SEMA3D: variants seen among roughly 807,000 people sequenced by gnomAD.
SEMA3D encodes the protein semaphorin 3D.
A neutral mutation model predicts 100.1 loss-of-function variants in SEMA3D; 84 were observed. The ratio of observed to expected loss-of-function variants is 0.84; its 90% CI spans 0.70 to 1.01. SEMA3D has a LOEUF of 1.01. SEMA3D is among the 50% of genes least tolerant of loss of function. The pLI is 0.00. For synonymous variants in SEMA3D, 312 were observed against 320.7 expected (o/e 0.97, Z 0.29); for missense variants, 875 against 934.1 (o/e 0.94, Z 0.82).
chr7:85,101,245 CA>C (rs1562818614), intron 3 of SEMA3D, among the ~76,000 whole-genome samples: 1 of 151,922 alleles, frequency 6.6e-6, no homozygotes, highest in Admixed American at 6.6e-5. Flanking sequence ...TCAGCAAAAT[CA>C]AAAATATGTA....
chr7:85,101,778 A>G lies in SEMA3D; in HGVS notation c.152-3813T>C, dbSNP rs530265816. ...AGGAGGTAATTTATATAAAGTTCTT[A>G]GAACCATGCTTGGTAGATAGGAAAA... is the stretch of plus-strand genomic sequence containing the variant. On this transcript the variant is annotated intron_variant, in intron 3 of 18. Coordinates refer to ENST00000284136, the MANE Select transcript of SEMA3D (RefSeq NM_001384900.1). 5.3e-5 allele frequency among the ~76,000 whole-genome samples: 8 copies of G among 152,170 alleles called. No individual in the cohort carries two copies. In the South Asian group the frequency reaches 1.7e-3, roughly 32 times the overall value.
chr7:85,158,106 ATTGT>A (rs1790649145), intron 1 of SEMA3D, among the ~76,000 whole-genome samples: 1 of 152,164 alleles, frequency 6.6e-6, no homozygotes, highest in Non-Finnish European at 1.5e-5. Context: ...AACTGCACAA[ATTGT>A]TTGTAAAGCA....
intron 4 of SEMA3D, among the ~76,000 whole-genome samples, chr7:85,086,514 A>G (rs371435596): frequency 2.0e-5 from 3 of 152,160 alleles, no homozygotes; most frequent in Non-Finnish European, 4.4e-5. Flanking sequence ...ATGTATATAT[A>G]TATCACATTA....
At chr7:85,172,905 G>A (rs571232460) in intron 1 of SEMA3D, among the ~76,000 whole-genome samples, 25 of 152,144 alleles carry the variant, frequency 1.6e-4, no homozygotes, top group Non-Finnish European at 2.9e-4. Flanking sequence ...TCTTATGAGG[G>A]AGACTAAAAT....
At chr7:85,132,679 T>C (rs999123512) in intron 2 of SEMA3D, among the ~76,000 whole-genome samples, 2 of 151,986 alleles carry the variant, frequency 1.3e-5, no homozygotes, top group Non-Finnish European at 2.9e-5. Context: ...CAATGTATTA[T>C]ATAATTCCAA....
At chr7:85,233,293 A>G in the SEMA3D span, among the ~76,000 whole-genome samples, 1 of 152,206 alleles carries the variant, frequency 6.6e-6, no homozygotes, top group African/African-American at 2.4e-5. Flanking sequence ...GAAACAGAGT[A>G]CACTGTTGAA....
chr7:85,203,584 G>A, the SEMA3D span, among the ~76,000 whole-genome samples: 2 of 152,114 alleles, frequency 1.3e-5, no homozygotes, highest in Admixed American at 6.6e-5. Context: ...TGCAAGGCGA[G>A]GCTATTTCCT....
intron 9 of SEMA3D, among the ~76,000 whole-genome samples, chr7:85,052,324 C>G (rs1042069804): frequency 1.1e-4 from 17 of 151,996 alleles, no homozygotes; most frequent in Admixed American, 6.6e-4. Flanking sequence ...GGATAGAGTT[C>G]ACACTGACTA....
intron 3 of SEMA3D, among the ~76,000 whole-genome samples, chr7:85,113,326 C>T (rs1789145528): frequency 6.6e-6 from 1 of 152,058 alleles, no homozygotes; most frequent in African/African-American, 2.4e-5. Flanking sequence ...GAATTCGCCA[C>T]ATGAACTGAA....
intron 4 of SEMA3D, among the ~76,000 whole-genome samples, chr7:85,087,165 T>C (rs933814992): frequency 6.6e-6 from 1 of 152,216 alleles, no homozygotes; most frequent in African/African-American, 2.4e-5. Context: ...GCAACCGTAT[T>C]TGTCCTTTAG....
chr7:85,234,092 A>G, the SEMA3D span, among the ~76,000 whole-genome samples: 1 of 152,210 alleles, frequency 6.6e-6, no homozygotes, highest in Non-Finnish European at 1.5e-5. Flanking sequence ...GTAAAGAGGA[A>G]TGCAGTCTAC....
intron 3 of SEMA3D, among the ~76,000 whole-genome samples, chr7:85,115,400 C>T (rs1228499015): frequency 6.6e-6 from 1 of 152,004 alleles, no homozygotes. Flanking sequence ...ATGTTTTGCT[C>T]AATATGAATC....
At chr7:85,054,187 A>G (rs1053737900) in intron 9 of SEMA3D, among the ~76,000 whole-genome samples, 18 of 152,086 alleles carry the variant, frequency 1.2e-4, no homozygotes, top group Admixed American at 9.8e-4. Flanking sequence ...TAAATGGATT[A>G]TATTTATCAA....
At chr7:85,124,456 A>C (rs1405575710) in intron 2 of SEMA3D, among the ~76,000 whole-genome samples, 1 of 151,998 alleles carries the variant, frequency 6.6e-6, no homozygotes, top group Non-Finnish European at 1.5e-5. Flanking sequence ...CTAATCGCTG[A>C]CCATTTATAA....
intron 4 of SEMA3D, among the ~76,000 whole-genome samples, chr7:85,085,901 A>G (rs185050137): frequency 6.6e-6 from 1 of 152,260 alleles, no homozygotes; most frequent in East Asian, 1.9e-4. Flanking sequence ...ATTTTCAGTT[A>G]TTGCTTATAA....
At chr7:85,025,248 G>A (rs143472006) in intron 12 of SEMA3D, among the ~76,000 whole-genome samples, 1 of 152,068 alleles carries the variant, frequency 6.6e-6, no homozygotes, top group East Asian at 2.0e-4. Context: ...TCTACCCGCT[G>A]TTGTAAAATA....
At chr7:85,210,294 C>T in the SEMA3D span, among the ~76,000 whole-genome samples, 1 of 152,026 alleles carries the variant, frequency 6.6e-6, no homozygotes, top group African/African-American at 2.4e-5. Context: ...ATTATGTAGT[C>T]ATAACACAAA....
At chr7:85,061,376 T>A (rs1465748577) in intron 8 of SEMA3D, among the ~76,000 whole-genome samples, 1 of 152,152 alleles carries the variant, frequency 6.6e-6, no homozygotes, top group Non-Finnish European at 1.5e-5. Context: ...TAATGCCAAG[T>A]GGGGCACAGA....
intron 8 of SEMA3D, among the ~76,000 whole-genome samples, chr7:85,062,326 G>A (rs1303637203): frequency 1.3e-5 from 2 of 152,154 alleles, no homozygotes. Flanking sequence ...GAGAGATGGG[G>A]AGATCAGTTA....
Sources: allele counts gnomAD v4.1 joint callset (sites outside exome capture counted in the v4.1 genomes callset), GRCh38; gene constraint gnomAD v4.1.1; transcripts MANE v1.5; gene names NCBI Gene and HGNC (gene_info 2026-07-23, HGNC 2026-07-21).